RAB38: variants seen among roughly 807,000 people sequenced by gnomAD.
RAB38 encodes the protein RAB38, member RAS oncogene family.
RAB38 carries 15 observed loss-of-function variants against 18.4 expected under a neutral mutation model. The observed-to-expected ratio is 0.82, with a 90% CI of 0.55 to 1.26. The LOEUF is 1.26. Ranked by LOEUF, RAB38 falls within the 50% of genes most tolerant of loss-of-function variation. The pLI is 0.00. For synonymous variants in RAB38, 101 were observed against 104.4 expected, an observed-to-expected ratio of 0.97 and a Z score of 0.20; for missense variants, 294 against 267.4, an observed-to-expected ratio of 1.10 and a Z score of -0.69.
chr11:88,150,508 T>C (rs1256965361), intron 1 of RAB38, among the ~76,000 whole-genome samples: 2 of 152,094 alleles, frequency 1.3e-5, no homozygotes, highest in African/African-American at 4.8e-5. Flanking sequence ...ACAATAAACA[T>C]AATAAATAAC....
chr11:88,029,249 C>A, the RAB38 span, among the ~76,000 whole-genome samples: 39 of 152,184 alleles, frequency 2.6e-4, no homozygotes, highest in South Asian at 7.5e-3. Context: ...TTGAAAGGAA[C>A]AACCGGTACC....
the RAB38 span, among the ~76,000 whole-genome samples, chr11:87,827,773 A>C: frequency 1.3e-5 from 2 of 152,168 alleles, no homozygotes; most frequent in Non-Finnish European, 2.9e-5. Context: ...AGCACACTGA[A>C]TTTATCTCTT....
At chr11:88,065,279 T>G in the RAB38 span, among the ~76,000 whole-genome samples, 1 of 152,246 alleles carries the variant, frequency 6.6e-6, no homozygotes, top group Non-Finnish European at 1.5e-5. Flanking sequence ...TTTATAATTC[T>G]TTGATCATTC....
chr11:87,862,670 A>G, the RAB38 span, among the ~76,000 whole-genome samples: 1 of 151,932 alleles, frequency 6.6e-6, no homozygotes, highest in Non-Finnish European at 1.5e-5. Context: ...CAAAAGTTAA[A>G]TAAAAACTAA....
chr11:88,048,966 C>A, the RAB38 span, among the ~76,000 whole-genome samples: 2 of 152,146 alleles, frequency 1.3e-5, no homozygotes, highest in African/African-American at 4.8e-5. Context: ...TCAATTCATA[C>A]AAAACCGCAT....
the RAB38 span, among the ~76,000 whole-genome samples, chr11:87,925,117 C>T: frequency 6.6e-6 from 1 of 151,960 alleles, no homozygotes; most frequent in Admixed American, 6.6e-5. Flanking sequence ...ACTAGAAAAC[C>T]AGAACAAGGG....
chr11:87,977,188 TA>T, the RAB38 span, among the ~76,000 whole-genome samples: 18 of 84,664 alleles, frequency 2.1e-4, 7 homozygotes, highest in African/African-American at 9.1e-4. Flanking sequence ...TATTATAAAA[TA>T]TAATTATATT....
chr11:87,803,788 A>ACTGACATC, the RAB38 span, among the ~76,000 whole-genome samples: 117 of 152,332 alleles, frequency 7.7e-4, no homozygotes, highest in African/African-American at 2.7e-3. Context: ...TAGGATAGAC[A>ACTGACATC]CTGACATCGT....
the RAB38 span, among the ~76,000 whole-genome samples, chr11:87,953,702 G>GGCATCCAGTGAGAGTCTT: frequency 6.6e-6 from 1 of 152,070 alleles, no homozygotes; most frequent in Non-Finnish European, 1.5e-5. Context: ...TGCGGTTTCA[G>GGCATCCAGTGAGAGTCTT]GCATCCAGTG....
At chr11:87,814,254 A>C in the RAB38 span, among the ~76,000 whole-genome samples, 1 of 152,118 alleles carries the variant, frequency 6.6e-6, no homozygotes, top group Non-Finnish European at 1.5e-5. Context: ...ACTTGTCTAT[A>C]ATGTGCTATG....
chr11:88,005,979 C>A, the RAB38 span, among the ~76,000 whole-genome samples: 2 of 151,302 alleles, frequency 1.3e-5, no homozygotes, highest in African/African-American at 4.8e-5. Flanking sequence ...TATGACAGAG[C>A]CATGCTGTTT....
chr11:87,957,453 G>C, the RAB38 span, among the ~76,000 whole-genome samples: 1 of 152,010 alleles, frequency 6.6e-6, no homozygotes, highest in Non-Finnish European at 1.5e-5. Context: ...CCATACCCAG[G>C]GAAAACTGTG....
At chr11:88,172,259 G>C (rs1943318689) in intron 1 of RAB38, among the ~76,000 whole-genome samples, 1 of 152,212 alleles carries the variant, frequency 6.6e-6, no homozygotes, top group Non-Finnish European at 1.5e-5. Context: ...TGGAATCCAG[G>C]CCAACTGCTG....
At chr11:88,085,336 T>C in the RAB38 span, among the ~76,000 whole-genome samples, 5 of 151,672 alleles carry the variant, frequency 3.3e-5, no homozygotes, top group African/African-American at 1.2e-4. Context: ...CAAGGCAAAA[T>C]TGGGTAAAAA....
the RAB38 span, among the ~76,000 whole-genome samples, chr11:88,030,142 C>T: frequency 2.6e-5 from 4 of 152,016 alleles, no homozygotes; most frequent in East Asian, 1.9e-4. Context: ...GGGTACATAA[C>T]GAAATGAAGG....
the RAB38 span, among the ~76,000 whole-genome samples, chr11:88,058,667 C>T: frequency 6.6e-6 from 1 of 151,694 alleles, no homozygotes; most frequent in African/African-American, 2.4e-5. Flanking sequence ...TTTCATGGTC[C>T]TGGCCTTTTT....
At chr11:87,916,711 ATC>A in the RAB38 span, among the ~76,000 whole-genome samples, 42 of 152,186 alleles carry the variant, frequency 2.8e-4, no homozygotes, top group Middle Eastern at 3.4e-3. Flanking sequence ...CTTACTTTAA[ATC>A]TGTTTTTGTC....
At chr11:88,028,772 C>T in the RAB38 span, among the ~76,000 whole-genome samples, 5 of 152,122 alleles carry the variant, frequency 3.3e-5, no homozygotes, top group South Asian at 2.1e-4. Flanking sequence ...ATGAAAGTGA[C>T]AGGGAGAATG....
At chr11:87,963,034 T>C in the RAB38 span, among the ~76,000 whole-genome samples, 1 of 152,182 alleles carries the variant, frequency 6.6e-6, no homozygotes, top group Non-Finnish European at 1.5e-5. Context: ...AAGTCCTTGA[T>C]AAAATGCAGA....
Sources: allele counts gnomAD v4.1 joint callset (sites outside exome capture counted in the v4.1 genomes callset), GRCh38; gene constraint gnomAD v4.1.1; transcripts MANE v1.5; gene names NCBI Gene and HGNC (gene_info 2026-07-23, HGNC 2026-07-21).